The following OTULINL variants were observed in gnomAD, a reference collection of about 807,000 sequenced individuals.
The protein encoded by OTULINL is OTU deubiquitinase with linear linkage specificity like, also known as inactive ubiquitin thioesterase OTULINL.
A neutral mutation model predicts 43.9 loss-of-function variants in OTULINL; 42 were observed. The ratio of observed to expected loss-of-function variants is 0.96; its 90% CI spans 0.75 to 1.24. The LOEUF is 1.24. Among genes scored for constraint, OTULINL ranks in the 50% most tolerant of loss-of-function variants. The pLI, the probability that OTULINL is intolerant of heterozygous loss-of-function variation, is 0.00. For synonymous variants in OTULINL, 172 were observed against 153.6 expected (o/e 1.12, Z -0.88); for missense variants, 411 against 426.4 (o/e 0.96, Z 0.32).
chr5:14,608,864 G>C lies in OTULINL; in HGVS notation c.744G>C (p.Leu248=). The C allele has an allele frequency of 6.2e-7, 1 of 1,614,110 alleles. No individual in the cohort carries two copies. The highest frequency in any genetic ancestry group is 1.3e-5 in the African/African-American group (1 of 75,036). ...ATGAAGCTTTAAAGTTCATCATGCT[G>C]TATCAAGTCACTGAAGTTTATGAAC... The part of the protein sequence containing the change: ...KLYEALKFIM[L]YQVTEVYEQM... The change falls in exon 7 of 8, where the codon CTG becomes CTC. Residue 248 remains leucine (L), a synonymous_variant. Coordinates refer to ENST00000274217, the MANE Select transcript of OTULINL (RefSeq NM_019018.3).
chr5:14,596,131 T>A lies in OTULINL; in HGVS notation c.65-4834T>A, dbSNP rs1759283303. On this transcript the variant is annotated intron_variant, in intron 1 of 7. Transcript: ENST00000274217. ...GGCTCCTACTGTCCTGGAAGTCCCC[T>A]TGTGGACTTTCTGGAGATTTTTTTT... is the stretch of plus-strand genomic sequence containing the variant. Among the ~76,000 whole-genome samples, 6 of 152,318 alleles carry A rather than the reference T, an allele frequency of 3.9e-5. No homozygotes were observed. The South Asian group carries it at 1.2e-3, about 32-fold the overall frequency.
At position 14,606,037 on chromosome 5, in the gene OTULINL, A is replaced by G. The variant is rs565797399; in HGVS notation, c.499-1293A>G. Among the ~76,000 whole-genome samples, 236 of 152,278 alleles carry G rather than the reference A, an allele frequency of 1.5e-3. 2 individuals carry two copies. The highest frequency in any genetic ancestry group is 2.8e-3 in the Non-Finnish European group (193 of 68,020). ...CCCAGTCCTGGTACCAGTTTACTGT[A>G]TTAGTCTGTTTTCACACTGCTGATA... is the stretch of plus-strand genomic sequence containing the variant. On this transcript the variant is annotated intron_variant, in intron 5 of 7. Transcript: ENST00000274217.
intron 1 of OTULINL, among the ~76,000 whole-genome samples, chr5:14,587,339 G>A (rs1196344369): frequency 6.6e-6 from 1 of 152,194 alleles, no homozygotes; most frequent in East Asian, 1.9e-4. Context: ...CAGAATGGCT[G>A]ATAGGAAGGG....
In OTULINL at chr5:14,602,259, G is replaced by GAGC; in HGVS notation, c.426_427insGCA (p.Arg142_Ser143insAla). Reference sequence around the variant, plus strand: ...AGGAGAGATAACTATGATGCTCTCAGATCAGTGTTATTTCAGATATTCAGC... The same window carrying GAGC: ...AGGAGAGATAACTATGATGCTCTCAGAGCATCAGTGTTATTTCAGATATTCAGC... On this transcript the variant is annotated inframe_insertion, in exon 5 of 8. Coordinates refer to ENST00000274217, the MANE Select transcript of OTULINL (RefSeq NM_019018.3). 6.2e-7 allele frequency: 1 copy of GAGC among 1,613,296 alleles called. No individual in the cohort carries two copies. The highest frequency in any genetic ancestry group is 8.5e-7 in the Non-Finnish European group (1 of 1,179,324).
chr5:14,590,380 C>T (rs1759179886), intron 1 of OTULINL, among the ~76,000 whole-genome samples: 1 of 152,158 alleles, frequency 6.6e-6, no homozygotes, highest in Admixed American at 6.5e-5. Context: ...GATTATGTTT[C>T]CAAGGGGTTT....
At position 14,615,890 on chromosome 5, in the gene OTULINL, T is replaced by C. The variant is rs1034264925; in HGVS notation, c.*5576T>C. Among the ~76,000 whole-genome samples, 3 of 152,256 alleles carry C rather than the reference T, an allele frequency of 2.0e-5. No individual in the cohort carries two copies. Among genetic ancestry groups the C allele is most frequent in the Non-Finnish European group, 4.4e-5 (3 of 68,048 alleles). Reference sequence around the variant, plus strand: ...TCTTTACAAGCAAATTGAAACGACATGCTCTTCTTTGTACTATACAGAAGG... The same window carrying C: ...TCTTTACAAGCAAATTGAAACGACACGCTCTTCTTTGTACTATACAGAAGG... On this transcript the variant is annotated 3_prime_UTR_variant, in exon 8 of 8. Coordinates refer to ENST00000274217, the MANE Select transcript of OTULINL (RefSeq NM_019018.3).
chr5:14,608,240 AAAATACCAT>A (rs1347826490), intron 6 of OTULINL, among the ~76,000 whole-genome samples: 2 of 152,234 alleles, frequency 1.3e-5, no homozygotes, highest in African/African-American at 4.8e-5. Context: ...CTTCTATAAC[AAAATACCAT>A]AAATTGGGTG....
chr5:14,586,897 C>G (rs1759109659), intron 1 of OTULINL, among the ~76,000 whole-genome samples: 1 of 151,752 alleles, frequency 6.6e-6, no homozygotes, highest in African/African-American at 2.4e-5. Context: ...AAGAAGCATA[C>G]CTCCCTGTCC....
chr5:14,589,841 A>AT (rs1473137991), intron 1 of OTULINL, among the ~76,000 whole-genome samples: 1 of 152,096 alleles, frequency 6.6e-6, no homozygotes, highest in Non-Finnish European at 1.5e-5. Flanking sequence ...AATCCCAACT[A>AT]TTGGGGGGCT....
intron 1 of OTULINL, among the ~76,000 whole-genome samples, chr5:14,596,589 C>T (rs1759292275): frequency 6.6e-6 from 1 of 152,050 alleles, no homozygotes; most frequent in Non-Finnish European, 1.5e-5. Flanking sequence ...CTTGCTATAG[C>T]AATATTAATT....
chr5:14,584,848 A>C (rs181295161), intron 1 of OTULINL, among the ~76,000 whole-genome samples: 2 of 152,318 alleles, frequency 1.3e-5, no homozygotes, highest in Admixed American at 1.3e-4. Flanking sequence ...TGTATGAAGC[A>C]GATGTTTCTG....
chr5:14,595,640 CTTTTTTTTTT>C (rs61482298), intron 1 of OTULINL, among the ~76,000 whole-genome samples: 3 of 57,092 alleles, frequency 5.3e-5, no homozygotes, highest in African/African-American at 6.3e-5. Context: ...AAAAACGGTG[CTTTTTTTTTT>C]TTTTTTTTTT....
chr5:14,608,396 A>G (rs1759516716), intron 6 of OTULINL, among the ~76,000 whole-genome samples: 2 of 152,170 alleles, frequency 1.3e-5, no homozygotes, highest in Non-Finnish European at 2.9e-5. Context: ...GTCTTCACAT[A>G]GTGGAAGGAG....
intron 5 of OTULINL, among the ~76,000 whole-genome samples, chr5:14,602,792 A>G (rs114741105): frequency 0.012 from 1,771 of 152,300 alleles, 31 homozygotes; most frequent in African/African-American, 0.041. Context: ...TCAGTTGCAA[A>G]TAAACCATCT....
intron 1 of OTULINL, among the ~76,000 whole-genome samples, chr5:14,587,656 G>C (rs145669308): frequency 8.6e-4 from 131 of 152,276 alleles, no homozygotes; most frequent in African/African-American, 3.0e-3. Flanking sequence ...AAAATCCCTT[G>C]AATCAAGAGA....
At chr5:14,603,061 A>C (rs1320521553) in intron 5 of OTULINL, among the ~76,000 whole-genome samples, 1 of 152,222 alleles carries the variant, frequency 6.6e-6, no homozygotes, top group South Asian at 2.1e-4. Context: ...CCAGAATGTC[A>C]TATAAATGGA....
intron 6 of OTULINL, 149 bp from the exon 7 acceptor site, chr5:14,608,599 A>G: frequency 1.5e-6 from 1 of 667,754 alleles, no homozygotes; most frequent in Non-Finnish European, 2.4e-6. Flanking sequence ...AAAAAAAATC[A>G]AACAGTGCCG....
At chr5:14,604,241 G>A (rs535660880) in intron 5 of OTULINL, among the ~76,000 whole-genome samples, 1 of 152,284 alleles carries the variant, frequency 6.6e-6, no homozygotes, top group Admixed American at 6.5e-5. Context: ...GACTATGATG[G>A]GAGGATTGCT....
chr5:14,604,651 C>T (rs1257554454), intron 5 of OTULINL, among the ~76,000 whole-genome samples: 4 of 152,312 alleles, frequency 2.6e-5, no homozygotes, highest in African/African-American at 9.6e-5. Context: ...AGTGGGGATA[C>T]TGGGTAAATA....
Sources: gnomAD v4.1 joint callset for allele counts (sites outside exome capture counted in the v4.1 genomes callset) on GRCh38, gnomAD v4.1.1 for gene constraint, MANE v1.5 for transcripts, NCBI Gene and HGNC (gene_info 2026-07-23, HGNC 2026-07-21) for gene names.